The following ARF1 variants were observed in gnomAD, a reference collection of about 807,000 sequenced individuals.
ARF1 encodes ADP-ribosylation factor 1.
ARF1 carries 1 observed loss-of-function variant against 18.0 expected under a neutral mutation model. The ratio of observed to expected loss-of-function variants is 0.06; its 90% CI spans 0.02 to 0.26. The LOEUF is 0.26. Ranked by LOEUF, ARF1 falls within the 10% of genes least tolerant of loss-of-function variation. The probability of loss-of-function intolerance (pLI) is 1.00; values close to 1 mark genes in which losing one functional copy is unlikely to be tolerated. For missense variants in ARF1, 73 were observed against 247.2 expected (o/e 0.30, Z 4.73); for synonymous variants, 112 against 96.3 (o/e 1.16, Z -0.95).
At chr1:228,094,362 C>T (rs575705716) in intron 1 of ARF1, among the ~76,000 whole-genome samples, 2 of 152,068 alleles carry the variant, frequency 1.3e-5, no homozygotes, top group Non-Finnish European at 2.9e-5. Context: ...GCTTTCCAAC[C>T]CCCTAGTAAT....
intron 1 of ARF1, among the ~76,000 whole-genome samples, chr1:228,084,870 G>A (rs2032343824): frequency 6.6e-6 from 1 of 152,184 alleles, no homozygotes; most frequent in African/African-American, 2.4e-5. Context: ...ATGTCTCCTT[G>A]GTGTATTTAA....
Position 228,089,830 on chromosome 1 carries a change from C to G in ARF1, c.-38+7065C>G, listed in dbSNP as rs2032519890. 6.6e-6 allele frequency among the ~76,000 whole-genome samples: 1 copy of G among 152,130 alleles called. No homozygotes were observed. Among genetic ancestry groups the G allele is most frequent in the African/African-American group, 2.4e-5 (1 of 41,424 alleles). ...CACACAATGGTGGGCCTATGTTCGTCCAGAACAGTGCCTGGCAGTAGCTCA... is the reference window on the plus strand; with the variant it reads ...CACACAATGGTGGGCCTATGTTCGTGCAGAACAGTGCCTGGCAGTAGCTCA... On this transcript the variant is annotated intron_variant, in intron 1 of 4. Transcript: ENST00000272102. This position sits in a 1 kb window ranked among gnomAD's most constrained non-coding sequence, Gnocchi z 4.1.
At chr1:228,087,624 A>G (rs975350161) in intron 1 of ARF1, among the ~76,000 whole-genome samples, 1 of 152,134 alleles carries the variant, frequency 6.6e-6, no homozygotes, top group Non-Finnish European at 1.5e-5. Context: ...CTTGAGTAAC[A>G]GAGCAGGACC....
At chr1:228,096,171 T>C (rs1163951292) in intron 1 of ARF1, among the ~76,000 whole-genome samples, 1 of 152,170 alleles carries the variant, frequency 6.6e-6, no homozygotes, top group African/African-American at 2.4e-5. Context: ...CGGACAGTCA[T>C]GGCTGTGATT....
intron 1 of ARF1, among the ~76,000 whole-genome samples, chr1:228,095,135 GTATC>G (rs1420046910): frequency 1.3e-5 from 2 of 152,068 alleles, no homozygotes; most frequent in Non-Finnish European, 2.9e-5. Flanking sequence ...AGCTATTTGT[GTATC>G]TATCAGGTTT....
chr1:228,086,622 A>G (rs975650600), intron 1 of ARF1, among the ~76,000 whole-genome samples: 1 of 152,186 alleles, frequency 6.6e-6, no homozygotes, highest in Non-Finnish European at 1.5e-5. Context: ...AGCTGAATTC[A>G]TGGAGGTTCC....
intron 1 of ARF1, among the ~76,000 whole-genome samples, chr1:228,092,342 G>A: frequency 6.6e-6 from 1 of 152,188 alleles, no homozygotes; most frequent in East Asian, 1.9e-4. Context: ...CTGCCACTTG[G>A]GAGGCTGAGG....
intron 1 of ARF1, chr1:228,083,107 C>T (rs2032270581): frequency 1.3e-5 from 2 of 152,390 alleles, no homozygotes; most frequent in Admixed American, 1.3e-4. Context: ...GAAACCTGGG[C>T]TTCCTGCTTC....
chr1:228,086,515 CAAAAAAAAA>C (rs796644449), intron 1 of ARF1, among the ~76,000 whole-genome samples: 17 of 92,840 alleles, frequency 1.8e-4, no homozygotes, highest in Non-Finnish European at 2.5e-4. Context: ...GACTTTGTCT[CAAAAAAAAA>C]AAAAAGAAAA....
chr1:228,086,049 G>T (rs1401370982), intron 1 of ARF1, among the ~76,000 whole-genome samples: 1 of 152,164 alleles, frequency 6.6e-6, no homozygotes, highest in Non-Finnish European at 1.5e-5. Context: ...AATTTTCCCA[G>T]AGTGGAGAGG....
chr1:228,096,950 T>C (rs2032766224), intron 1 of ARF1, 128 bp from the exon 2 acceptor site: 1 of 829,910 alleles, frequency 1.2e-6, no homozygotes, highest in East Asian at 2.9e-5. Flanking sequence ...GAGGCAGGGC[T>C]CTTTCCCTGT....
intron 1 of ARF1, among the ~76,000 whole-genome samples, chr1:228,085,517 C>T (rs533863230): frequency 6.6e-6 from 1 of 152,348 alleles, no homozygotes; most frequent in African/African-American, 2.4e-5. Context: ...GTGAGGCTGG[C>T]TGATAAGCCA....
intron 1 of ARF1, among the ~76,000 whole-genome samples, chr1:228,093,955 CAAAAAAAAAAA>C (rs869199671): frequency 9.8e-5 from 5 of 51,154 alleles, no homozygotes; most frequent in African/African-American, 2.9e-4. Context: ...GACTCTGTCT[CAAAAAAAAAAA>C]AAAAAAAAAA....
In ARF1 at chr1:228,097,584, C is replaced by T. The variant is rs1281115979; in HGVS notation, c.260-7C>T. On this transcript the variant is annotated splice_region_variant and splice_polypyrimidine_tract_variant and intron_variant, in intron 3 of 4. Coordinates refer to ENST00000272102, the MANE Select transcript of ARF1 (RefSeq NM_001658.4). This position sits in a 1 kb window ranked among gnomAD's most constrained non-coding sequence, Gnocchi z 8.1. ...CCCATGACCATTTGACACTGGCTGC[C>T]CGGCAGGCCTGATCTTCGTGGTGGA... 2 of 1,614,016 alleles carry T rather than the reference C, an allele frequency of 1.2e-6. No homozygotes were observed. Among genetic ancestry groups the T allele is most frequent in the Admixed American group, 1.7e-5 (1 of 60,024 alleles).
intron 1 of ARF1, among the ~76,000 whole-genome samples, chr1:228,084,598 C>T (rs966325758): frequency 4.6e-5 from 7 of 152,176 alleles, no homozygotes; most frequent in Non-Finnish European, 7.4e-5. Flanking sequence ...ATGGGCTGTA[C>T]CTCTTGCACA....
In ARF1 at chr1:228,097,267, G is replaced by T. The variant is rs2032779478; in HGVS notation, c.148+5G>T. ...TGACCACCATTCCCACCATAGGTGA[G>T]GTGGGGGCCAGCAGGGAGTGGGCTG... On this transcript the variant is annotated splice_donor_5th_base_variant and intron_variant, in intron 2 of 4. Coordinates refer to ENST00000272102, the MANE Select transcript of ARF1 (RefSeq NM_001658.4). This position sits in a 1 kb window ranked among gnomAD's most constrained non-coding sequence, Gnocchi z 8.1. 6.2e-7 allele frequency: 1 copy of T among 1,609,984 alleles called. No individual in the cohort carries two copies. The highest frequency in any genetic ancestry group is 8.5e-7 in the Non-Finnish European group (1 of 1,177,434).
intron 1 of ARF1, among the ~76,000 whole-genome samples, chr1:228,093,251 C>T (rs1250078624): frequency 6.6e-6 from 1 of 152,124 alleles, no homozygotes; most frequent in Non-Finnish European, 1.5e-5. Flanking sequence ...GGTGACAGCA[C>T]CTGGCCTGGG....
At position 228,089,561 on chromosome 1, in the gene ARF1, G is replaced by C. The variant is rs1461510566; in HGVS notation, c.-38+6796G>C. The stretch of plus-strand genomic sequence containing the variant: ...CTCAGCCTACATTTTTAAAATGAAC[G>C]TTTCTTGAAGGCAGAAATCAAGTTT... On this transcript the variant is annotated intron_variant, in intron 1 of 4. Transcript: ENST00000272102. The surrounding 1 kb of genome is among the most constrained non-coding windows in gnomAD (Gnocchi z 4.1). Among the ~76,000 whole-genome samples, 1 of 152,196 alleles carries C rather than the reference G, an allele frequency of 6.6e-6. No individual in the cohort carries two copies. Among genetic ancestry groups the C allele is most frequent in the East Asian group, 1.9e-4 (1 of 5,202 alleles).
intron 1 of ARF1, chr1:228,083,041 G>A (rs1197631195): frequency 1.3e-5 from 2 of 152,422 alleles, no homozygotes; most frequent in Non-Finnish European, 2.9e-5. Flanking sequence ...TCCTCTGCCT[G>A]TCCCTGCCCC....
Sources: allele counts gnomAD v4.1 joint callset (sites outside exome capture counted in the v4.1 genomes callset), GRCh38; gene constraint gnomAD v4.1.1; non-coding constraint Gnocchi (gnomAD v3.1); transcripts MANE v1.5; gene names NCBI Gene and HGNC (gene_info 2026-07-23, HGNC 2026-07-21).